The following STAT3 variants were observed in gnomAD, a reference collection of about 807,000 sequenced individuals.
STAT3 encodes signal transducer and activator of transcription 3.
STAT3 carries 7 observed loss-of-function variants against 114.3 expected under a neutral mutation model. The ratio of observed to expected loss-of-function variants is 0.06; its 90% CI spans 0.03 to 0.11. STAT3 has a LOEUF of 0.11. STAT3 is among the 10% of genes least tolerant of loss of function. STAT3 has a pLI of 1.00. For synonymous variants in STAT3, 331 were observed against 354.5 expected, an observed-to-expected ratio of 0.93 and a Z score of 0.74; for missense variants, 364 against 960.9, an observed-to-expected ratio of 0.38 and a Z score of 8.21.
rs546867185 is a variant in STAT3 at position 42,356,359 on chromosome 17, G to A, written c.-23-7820C>T. Among the ~76,000 whole-genome samples the A allele has an allele frequency of 2.6e-4, 40 of 152,128 alleles. 1 individual carries two copies. In the East Asian group the frequency reaches 7.3e-3, roughly 28 times the overall value. ...GACCCCAGCACTTTGGGAGGCTGAGGGGGGAGGATCACTTGAGGCCAGGAA... is the reference window on the plus strand; with the variant it reads ...GACCCCAGCACTTTGGGAGGCTGAGAGGGGAGGATCACTTGAGGCCAGGAA... On this transcript the variant is annotated intron_variant, in intron 1 of 23. Transcript: ENST00000264657.
rs2144602295 is a variant in STAT3, at chr17:42,315,193, C to G, written c.*552G>C. On this transcript the variant is annotated 3_prime_UTR_variant, in exon 24 of 24. Transcript: ENST00000264657. ...TAAATACAGAAAGGCTATGCTGATA[C>G]AGTGTTTTTTGCCCTTTAATTGTTA... The G allele has an allele frequency of 8.2e-6, 2 of 243,084 alleles. No individual in the cohort carries two copies. The highest frequency in any genetic ancestry group is 2.3e-4 in the South Asian group (2 of 8,742). 15.1% of individuals were successfully genotyped at this position (243,084 alleles called of 1,614,324 possible).
intron 11 of STAT3, among the ~76,000 whole-genome samples, chr17:42,330,836 A>G (rs1448865199): frequency 6.6e-6 from 1 of 152,150 alleles, no homozygotes; most frequent in Non-Finnish European, 1.5e-5. Flanking sequence ...GGAACAATTA[A>G]AAAAAAGAGA....
chr17:42,370,967 G>A (rs922556121), intron 1 of STAT3, among the ~76,000 whole-genome samples: 3 of 152,070 alleles, frequency 2.0e-5, no homozygotes, highest in Non-Finnish European at 4.4e-5. Context: ...AGAGTTTTCA[G>A]GGCATTTAGC....
At chr17:42,380,905 C>A (rs1043491992) in intron 1 of STAT3, among the ~76,000 whole-genome samples, 1 of 152,006 alleles carries the variant, frequency 6.6e-6, no homozygotes, top group Non-Finnish European at 1.5e-5. Context: ...AGAGTGAGAA[C>A]CTGTCTCAAA....
intron 21 of STAT3, among the ~76,000 whole-genome samples, chr17:42,321,371 C>T (rs1298677705): frequency 6.6e-6 from 1 of 151,650 alleles, no homozygotes; most frequent in Non-Finnish European, 1.5e-5. Context: ...GTGATCCTCC[C>T]GCCTGGGCCT....
chr17:42,372,431 C>G (rs558973464), intron 1 of STAT3, among the ~76,000 whole-genome samples: 29 of 152,272 alleles, frequency 1.9e-4, no homozygotes, highest in Non-Finnish European at 3.2e-4. Flanking sequence ...AAATGCATAT[C>G]ATTTACTGAA....
In STAT3 at chr17:42,315,447, AAC is replaced by A. The variant is rs1423796868; in HGVS notation, c.*296_*297del. ...AGAAAGGAGGGCAGGGGAACAAAAC[AAC>A]ACAAGACATTTCCTTTTTCTCCCTC... is the stretch of plus-strand genomic sequence containing the variant. On this transcript the variant is annotated 3_prime_UTR_variant, in exon 24 of 24. Transcript: ENST00000264657. 1.9e-6 allele frequency: 1 copy of A among 533,744 alleles called. No individual in the cohort carries two copies. The highest frequency in any genetic ancestry group is 3.2e-5 in the East Asian group (1 of 31,698). The allele number at this position is 533,744 out of a possible 1,614,324, so 33.1% of individuals were successfully genotyped here. A position where few individuals can be genotyped will look rare whatever the true frequency, so the allele number is the denominator to read the frequency against.
intron 1 of STAT3, among the ~76,000 whole-genome samples, chr17:42,355,420 C>G (rs2083181996): frequency 1.3e-5 from 2 of 152,198 alleles, no homozygotes; most frequent in Admixed American, 1.3e-4. Context: ...AGAGAGAAGA[C>G]AATTCATTAC....
chr17:42,314,849 T>TTA lies in STAT3; in HGVS notation c.*895_*896insTA. 5.4e-6 allele frequency: 1 copy of TTA among 186,386 alleles called. No individual in the cohort carries two copies. Among genetic ancestry groups the TTA allele is most frequent in the Non-Finnish European group, 1.1e-5 (1 of 89,936 alleles). The allele number at this position is 186,386 out of a possible 1,614,324, so 11.5% of individuals were successfully genotyped here. A position where few individuals can be genotyped will look rare whatever the true frequency, so the allele number is the denominator to read the frequency against. On this transcript the variant is annotated 3_prime_UTR_variant, in exon 24 of 24. Transcript: ENST00000264657. ...CACCAAGGAGGCTGTTAACTGAAGT[T>TTA]TCTTTTTTTTTTTTTTTTTTTTGAG...
At chr17:42,334,884 C>T (rs767028247) in intron 8 of STAT3, among the ~76,000 whole-genome samples, 2 of 152,162 alleles carry the variant, frequency 1.3e-5, no homozygotes, top group East Asian at 3.8e-4. Context: ...AAATGACAAG[C>T]ATCTGAGCCC....
At chr17:42,354,998 A>G (rs984300744) in intron 1 of STAT3, among the ~76,000 whole-genome samples, 1 of 152,158 alleles carries the variant, frequency 6.6e-6, no homozygotes, top group African/African-American at 2.4e-5. Flanking sequence ...TTCTCCTTAC[A>G]GGCTGCTTAG....
chr17:42,368,542 C>G (rs1056801237), intron 1 of STAT3, among the ~76,000 whole-genome samples: 3 of 152,176 alleles, frequency 2.0e-5, no homozygotes, highest in Non-Finnish European at 4.4e-5. Context: ...TCACTGCAAC[C>G]TCTGCCTCCT....
rs185508151 is a variant in STAT3, at chr17:42,314,208, T to G, written c.*1537A>C. ...ACCCTCATACGAGGGCAGACTCAAG[T>G]TTATCAGTAAGCCTTTGCCCTGCAT... On this transcript the variant is annotated 3_prime_UTR_variant, in exon 24 of 24. Coordinates refer to ENST00000264657, the MANE Select transcript of STAT3 (RefSeq NM_139276.3). 13 of 232,732 alleles carry G rather than the reference T, an allele frequency of 5.6e-5. No individual in the cohort carries two copies. The highest frequency in any genetic ancestry group is 2.4e-4 in the African/African-American group (11 of 45,374). The allele number at this position is 232,732 out of a possible 1,614,324, so 14.4% of individuals were successfully genotyped here. A position where few individuals can be genotyped will look rare whatever the true frequency, so the allele number is the denominator to read the frequency against.
rs562280148 is a variant in STAT3, at chr17:42,382,936, C to T, written c.-24+5343G>A. On this transcript the variant is annotated intron_variant, in intron 1 of 23. Transcript: ENST00000264657. Reference sequence around the variant, plus strand: ...GGAATTACAGGCATGAGCCACCACACCCGGCTGGGTAAGAGTTGCAGTAAT... The same window carrying T: ...GGAATTACAGGCATGAGCCACCACATCCGGCTGGGTAAGAGTTGCAGTAAT... Among the ~76,000 whole-genome samples the T allele has an allele frequency of 2.6e-5, 4 of 152,336 alleles. No homozygotes were observed. The South Asian group carries it at 8.3e-4, about 32-fold the overall frequency.
chr17:42,335,025 C>T (rs1451451185), intron 8 of STAT3, among the ~76,000 whole-genome samples: 6 of 152,218 alleles, frequency 3.9e-5, no homozygotes, highest in Admixed American at 3.9e-4. Context: ...CTGTCACACA[C>T]TATCTGTGCA....
intron 23 of STAT3, 169 bp downstream of exon 23, chr17:42,316,620 G>C: frequency 1.3e-6 from 2 of 1,515,544 alleles, no homozygotes; most frequent in South Asian, 2.4e-5. Context: ...GTGGCTGCTA[G>C]AAGATTTATA....
At chr17:42,387,143 C>T (rs1167537868) in intron 1 of STAT3, 1 of 152,128 alleles carries the variant, frequency 6.6e-6, no homozygotes, top group Admixed American at 6.5e-5. Flanking sequence ...TACAGTAAGA[C>T]CAGCAGGTAC....
chr17:42,384,214 C>T (rs2145401597), intron 1 of STAT3, among the ~76,000 whole-genome samples: 1 of 150,992 alleles, frequency 6.6e-6, no homozygotes, highest in East Asian at 2.0e-4. Flanking sequence ...CTGCAAGCTC[C>T]GCCTCCCGAG....
intron 11 of STAT3, among the ~76,000 whole-genome samples, chr17:42,330,435 C>CTT (rs551847953): frequency 1.6e-4 from 16 of 98,154 alleles, no homozygotes; most frequent in Non-Finnish European, 2.5e-4. Flanking sequence ...CTTTTCTTTT[C>CTT]TTTTTTTTTT....
Sources: allele counts gnomAD v4.1 joint callset (sites outside exome capture counted in the v4.1 genomes callset), GRCh38; gene constraint gnomAD v4.1.1; transcripts MANE v1.5; gene names NCBI Gene and HGNC (gene_info 2026-07-23, HGNC 2026-07-21).